CLEC16A: variants seen among roughly 807,000 people sequenced by gnomAD.
CLEC16A encodes protein CLEC16A.
Under a neutral mutation model 109.5 loss-of-function variants are expected in CLEC16A, and 51 were observed. The ratio of observed to expected loss-of-function variants is 0.47; its 90% CI spans 0.37 to 0.59. CLEC16A has a LOEUF of 0.59. Among genes scored for constraint, CLEC16A ranks in the 20% least tolerant of loss-of-function variants. The probability of loss-of-function intolerance (pLI) is 0.00; values close to 1 mark genes in which losing one functional copy is unlikely to be tolerated. For synonymous variants in CLEC16A, 673 were observed against 564.2 expected, an observed-to-expected ratio of 1.19 and a Z score of -2.73; for missense variants, 1,339 against 1,394.0, an observed-to-expected ratio of 0.96 and a Z score of 0.63.
chr16:11,096,214 A>G (rs1347311489), intron 19 of CLEC16A, among the ~76,000 whole-genome samples: 2 of 151,872 alleles, frequency 1.3e-5, no homozygotes, highest in Non-Finnish European at 2.9e-5. Context: ...GTGTTGTGGT[A>G]TTCATCTATA....
intron 19 of CLEC16A, among the ~76,000 whole-genome samples, chr16:11,093,742 G>C (rs542474726): frequency 3.3e-5 from 5 of 152,210 alleles, no homozygotes; most frequent in African/African-American, 1.2e-4. Flanking sequence ...AGGATATGAG[G>C]GTGTGGCAGT....
At chr16:11,005,030 G>C (rs1038937346) in intron 11 of CLEC16A, among the ~76,000 whole-genome samples, 2 of 152,214 alleles carry the variant, frequency 1.3e-5, no homozygotes, top group African/African-American at 4.8e-5. Context: ...CACACTGGGG[G>C]AGAAATGGAC....
chr16:11,052,961 A>G (rs1313631791), intron 18 of CLEC16A, among the ~76,000 whole-genome samples: 2 of 152,032 alleles, frequency 1.3e-5, no homozygotes, highest in Admixed American at 6.5e-5. Flanking sequence ...TGTTGCGATC[A>G]TAGCTCACTG....
At chr16:10,990,274 G>A (rs761093057) in intron 10 of CLEC16A, among the ~76,000 whole-genome samples, 2 of 152,166 alleles carry the variant, frequency 1.3e-5, no homozygotes, top group Admixed American at 6.5e-5. Context: ...CTTGCCCACC[G>A]AAGTATTGAA....
chr16:11,124,415 C>T (rs1473236639), intron 21 of CLEC16A, among the ~76,000 whole-genome samples: 1 of 152,210 alleles, frequency 6.6e-6, no homozygotes, highest in Non-Finnish European at 1.5e-5. Context: ...AAACTTACCC[C>T]TTCCTCCTTC....
At chr16:11,118,093 G>T (rs2052137543) in intron 19 of CLEC16A, among the ~76,000 whole-genome samples, 1 of 152,020 alleles carries the variant, frequency 6.6e-6, no homozygotes, top group African/African-American at 2.4e-5. Flanking sequence ...TCCCGCATCA[G>T]CCTCCTAAGT....
rs151236382 is a variant in CLEC16A at position 11,076,245 on chromosome 16, T to A, written c.2116+15223T>A. 2.6e-4 allele frequency among the ~76,000 whole-genome samples: 39 copies of A among 152,312 alleles called. No homozygotes were observed. In the East Asian group the frequency reaches 7.0e-3, roughly 27 times the overall value. ...GCCCCCCATCTGCTCCTCACTGTGC[T>A]AGCCCAGTCATACGGAGCTCAAGAG... On this transcript the variant is annotated intron_variant, in intron 19 of 23. Coordinates refer to ENST00000409790, the MANE Select transcript of CLEC16A (RefSeq NM_015226.3).
intron 10 of CLEC16A, among the ~76,000 whole-genome samples, chr16:10,985,216 AAAAAAT>A (rs2043564296): frequency 8.5e-6 from 1 of 117,054 alleles, no homozygotes; most frequent in South Asian, 3.2e-4. Flanking sequence ...AAAAAAAAAA[AAAAAAT>A]ATATATATAT....
chr16:11,038,008 A>G (rs2047118618), intron 13 of CLEC16A, among the ~76,000 whole-genome samples: 1 of 152,158 alleles, frequency 6.6e-6, no homozygotes, highest in Non-Finnish European at 1.5e-5. Context: ...CACTGCAATG[A>G]AATTTTTTGA....
intron 3 of CLEC16A, 45 bp downstream of exon 3, chr16:10,962,633 A>T: frequency 6.2e-7 from 1 of 1,601,058 alleles, no homozygotes; most frequent in South Asian, 1.1e-5. Flanking sequence ...CTGTGCATGT[A>T]GCAGGGTGAA....
chr16:10,971,607 A>G (rs565041152), intron 5 of CLEC16A: 1 of 790,734 alleles, frequency 1.3e-6, no homozygotes, highest in African/African-American at 1.9e-5. Context: ...GGGTAATTTG[A>G]CTTTTAAGTA....
rs578230600 is a variant in CLEC16A at position 11,038,883 on chromosome 16, C to T, written c.1538-871C>T. ...CTTAGTGTCTTTCTGCTAATGTCAC[C>T]CTCAGGGGCAGGCGTGGCCTCTGCC... On this transcript the variant is annotated intron_variant, in intron 13 of 23. Transcript: ENST00000409790. Among the ~76,000 whole-genome samples, 372 of 152,204 alleles carry T rather than the reference C, an allele frequency of 2.4e-3. 1 individual carries two copies. The highest frequency in any genetic ancestry group is 8.7e-3 in the African/African-American group (360 of 41,524).
At chr16:11,099,057 G>T (rs1259780848) in intron 19 of CLEC16A, among the ~76,000 whole-genome samples, 1 of 152,250 alleles carries the variant, frequency 6.6e-6, no homozygotes, top group South Asian at 2.1e-4. Context: ...TGCAGAGAGC[G>T]TGGCGGCTAA....
At chr16:11,007,151 G>GT (rs575008667) in intron 11 of CLEC16A, among the ~76,000 whole-genome samples, 31 of 152,140 alleles carry the variant, frequency 2.0e-4, no homozygotes, top group Middle Eastern at 3.4e-3. Flanking sequence ...CTGGACTACT[G>GT]TTTTTTTGCC....
chr16:11,017,694 A>T (rs2045841085), intron 11 of CLEC16A, among the ~76,000 whole-genome samples: 1 of 152,178 alleles, frequency 6.6e-6, no homozygotes, highest in African/African-American at 2.4e-5. Context: ...ATAGGATGTG[A>T]TGAGAAGGGT....
rs1597561347 is a variant in CLEC16A at position 11,147,135 on chromosome 16, C to T, written c.2642-19253C>T. On this transcript the variant is annotated intron_variant, in intron 22 of 23. Coordinates refer to ENST00000409790, the MANE Select transcript of CLEC16A (RefSeq NM_015226.3). The stretch of plus-strand genomic sequence containing the variant: ...AGGAGAGCATTGATGTCTCAGCCCA[C>T]AGGCTGCCCAATCCCCAAGGAATGA... Among the ~76,000 whole-genome samples, 3 of 152,140 alleles carry T rather than the reference C, an allele frequency of 2.0e-5. No homozygotes were observed. In the South Asian group the frequency reaches 6.2e-4, roughly 32 times the overall value.
chr16:11,175,521 C>T (rs1333393585), intron 23 of CLEC16A, among the ~76,000 whole-genome samples: 1 of 152,198 alleles, frequency 6.6e-6, no homozygotes, highest in Non-Finnish European at 1.5e-5. Context: ...AATTTTCCCC[C>T]CAATGAAAAC....
At chr16:10,950,842 C>A (rs1243442030) in intron 1 of CLEC16A, among the ~76,000 whole-genome samples, 1 of 152,208 alleles carries the variant, frequency 6.6e-6, no homozygotes, top group Non-Finnish European at 1.5e-5. Context: ...TTCTAACCCC[C>A]AGACCTCCTA....
At chr16:11,103,880 T>A (rs1191748733) in intron 19 of CLEC16A, among the ~76,000 whole-genome samples, 1 of 152,184 alleles carries the variant, frequency 6.6e-6, no homozygotes, top group Non-Finnish European at 1.5e-5. Context: ...AGCCTTTTCT[T>A]CCCCACAACT....
Sources: allele counts gnomAD v4.1 joint callset (sites outside exome capture counted in the v4.1 genomes callset), GRCh38; gene constraint gnomAD v4.1.1; transcripts MANE v1.5; gene names NCBI Gene and HGNC (gene_info 2026-07-23, HGNC 2026-07-21).